Variants in ARHGEF7 observed in about 807,000 individuals in gnomAD.
ARHGEF7 encodes PAK-interacting exchange factor beta.
In ARHGEF7, 33 loss-of-function variants were observed where a neutral mutation model predicts 109.8. The observed-to-expected ratio is 0.30, with a 90% CI of 0.23 to 0.40. ARHGEF7 has a LOEUF of 0.40. ARHGEF7 is among the 10% of genes least tolerant of loss of function. The probability of loss-of-function intolerance (pLI) is 1.00; values close to 1 mark genes in which losing one functional copy is unlikely to be tolerated. For synonymous variants in ARHGEF7, 458 were observed against 424.6 expected, an observed-to-expected ratio of 1.08 and a Z score of -0.97; for missense variants, 938 against 1,098.5, an observed-to-expected ratio of 0.85 and a Z score of 2.07.
intron 2 of ARHGEF7, among the ~76,000 whole-genome samples, chr13:111,163,555 A>ATATT (rs561211403): frequency 3.6e-4 from 55 of 152,146 alleles, no homozygotes; most frequent in African/African-American, 8.4e-4. Flanking sequence ...TCATTTTTAA[A>ATATT]TATTTATTTA....
At chr13:111,200,270 A>T (rs2081064300) in intron 2 of ARHGEF7, among the ~76,000 whole-genome samples, 1 of 152,050 alleles carries the variant, frequency 6.6e-6, no homozygotes, top group African/African-American at 2.4e-5. Context: ...TTTCTCTGGA[A>T]CCAAGTGTGG....
chr13:111,115,802 C>T (rs1221193047), intron 1 of ARHGEF7, 111 bp downstream of exon 1: 2 of 508,852 alleles, frequency 3.9e-6, no homozygotes, highest in African/African-American at 4.2e-5. Context: ...GTGCGCCCTC[C>T]TTTGTGCGCG....
chr13:111,279,572 T>C (rs2092675822), intron 13 of ARHGEF7, among the ~76,000 whole-genome samples: 1 of 152,244 alleles, frequency 6.6e-6, no homozygotes, highest in Admixed American at 6.5e-5. Flanking sequence ...CCTGCGGACT[T>C]GGTGGGCCAC....
intron 2 of ARHGEF7, among the ~76,000 whole-genome samples, chr13:111,167,013 A>C (rs577656517): frequency 1.2e-4 from 19 of 152,270 alleles, no homozygotes; most frequent in Non-Finnish European, 7.4e-5. Context: ...TTAGTCCCAG[A>C]ACATTTTAGG....
chr13:111,243,400 G>A (rs1566939867), intron 6 of ARHGEF7, among the ~76,000 whole-genome samples: 2 of 152,070 alleles, frequency 1.3e-5, no homozygotes, highest in Non-Finnish European at 2.9e-5. Context: ...TGTTGTCCAC[G>A]CCCCCATCCT....
chr13:111,125,307 A>G (rs1267602149), intron 1 of ARHGEF7, among the ~76,000 whole-genome samples: 2 of 151,728 alleles, frequency 1.3e-5, no homozygotes, highest in African/African-American at 2.4e-5. Context: ...CAAAACTGGA[A>G]GCTGGTTATT....
intron 8 of ARHGEF7, among the ~76,000 whole-genome samples, chr13:111,256,413 C>A (rs562141335): frequency 6.6e-6 from 1 of 152,210 alleles, no homozygotes; most frequent in Non-Finnish European, 1.5e-5. Flanking sequence ...AGGTTCTGTC[C>A]TGAGCCTGCT....
chr13:111,299,000 G>A (rs2093491374), intron 19 of ARHGEF7, among the ~76,000 whole-genome samples: 1 of 152,072 alleles, frequency 6.6e-6, no homozygotes. Context: ...TGTGCCAGGT[G>A]ACAGAGCAGC....
Position 111,186,999 on chromosome 13 carries a change from T to C in ARHGEF7, c.253-18290T>C, listed in dbSNP as rs544858577. The C allele has an allele frequency of 7.5e-3, 7,354 of 985,876 alleles. 38 individuals carry two copies. The highest frequency in any genetic ancestry group is 0.031 in the Middle Eastern group (60 of 1,914). The allele number at this position is 985,876 out of a possible 1,614,324, so 61.1% of individuals were successfully genotyped here. On this transcript the variant is annotated intron_variant, in intron 2 of 21. Coordinates refer to ENST00000646102, the MANE Select transcript of ARHGEF7 (RefSeq NM_001354046.2). The stretch of plus-strand genomic sequence containing the variant: ...CATTCTTTTGCTCTCGTGTCAGTAC[T>C]GACGGGGTTGATTAAGGTTGCTGTG...
chr13:111,295,249 T>C (rs1233094156), intron 19 of ARHGEF7: 3 of 974,978 alleles, frequency 3.1e-6, no homozygotes, highest in African/African-American at 1.8e-5. Context: ...GTTTGCAGTG[T>C]AATATAATTT....
chr13:111,240,963 T>TA (rs1400330325), intron 6 of ARHGEF7, among the ~76,000 whole-genome samples: 1 of 152,148 alleles, frequency 6.6e-6, no homozygotes, highest in Non-Finnish European at 1.5e-5. Context: ...AACCCATTTG[T>TA]AAAATCAGAA....
chr13:111,175,077 A>T (rs2078005520), intron 2 of ARHGEF7, among the ~76,000 whole-genome samples: 1 of 152,198 alleles, frequency 6.6e-6, no homozygotes, highest in Non-Finnish European at 1.5e-5. Flanking sequence ...CACAAGGTAG[A>T]TCTGCCTTCT....
chr13:111,288,198 T>G (rs1318613629), intron 17 of ARHGEF7, among the ~76,000 whole-genome samples, 156 bp from the exon 18 acceptor site: 1 of 152,244 alleles, frequency 6.6e-6, no homozygotes, highest in Non-Finnish European at 1.5e-5. Flanking sequence ...ATATAACTCA[T>G]GAATTTTGTA....
intron 8 of ARHGEF7, among the ~76,000 whole-genome samples, chr13:111,265,124 CAAAAAA>C (rs976877106): frequency 8.6e-5 from 6 of 69,464 alleles, no homozygotes; most frequent in Non-Finnish European, 1.1e-4. Context: ...AACTCCATCT[CAAAAAA>C]AAAAAAAAAA....
At chr13:111,119,096 C>T (rs1368555064) in intron 1 of ARHGEF7, among the ~76,000 whole-genome samples, 1 of 152,194 alleles carries the variant, frequency 6.6e-6, no homozygotes, top group Admixed American at 6.5e-5. Flanking sequence ...TCTCAGGCTT[C>T]TGGTAGTTCC....
intron 11 of ARHGEF7, 67 bp downstream of exon 11, chr13:111,274,857 T>C (rs894162308): frequency 1.8e-6 from 2 of 1,124,926 alleles, no homozygotes; most frequent in Non-Finnish European, 2.4e-6. Flanking sequence ...AAAAGAATTA[T>C]CAACTGAAAA....
In ARHGEF7 at chr13:111,255,825, A is replaced by G. The variant is rs994866251; in HGVS notation, c.950+11531A>G. On this transcript the variant is annotated intron_variant, in intron 8 of 21. Coordinates refer to ENST00000646102, the MANE Select transcript of ARHGEF7 (RefSeq NM_001354046.2). This position sits in a 1 kb window ranked among gnomAD's most constrained non-coding sequence, Gnocchi z 4.1. ...TATTTTTCCTGTGGAAGGTGGGGTC[A>G]TGGTGCTTTCTTTTCAGTGCTGCGT... Among the ~76,000 whole-genome samples the G allele has an allele frequency of 8.5e-5, 13 of 152,210 alleles. No individual in the cohort carries two copies. The highest frequency in any genetic ancestry group is 2.9e-4 in the African/African-American group (12 of 41,538).
In ARHGEF7 at chr13:111,221,353, C is replaced by A. The variant is rs796264975; in HGVS notation, c.670+3473C>A. On this transcript the variant is annotated intron_variant, in intron 5 of 21. Coordinates refer to ENST00000646102, the MANE Select transcript of ARHGEF7 (RefSeq NM_001354046.2). Reference sequence around the variant, plus strand: ...TGTCTATATATATCTATATATATGTCTATATATATATCTATATATATATCT... The same window carrying A: ...TGTCTATATATATCTATATATATGTATATATATATATCTATATATATATCT... Among the ~76,000 whole-genome samples, 54 of 9,486 alleles carry A rather than the reference C, an allele frequency of 5.7e-3. 19 individuals are homozygous for A. The highest frequency in any genetic ancestry group is 9.0e-3 in the Non-Finnish European group (29 of 3,216). The allele number at this position is 9,486 out of a possible 152,430, so 6.2% of individuals were successfully genotyped here.
At chr13:111,233,354 A>G (rs1283445450) in intron 6 of ARHGEF7, 61 bp downstream of exon 6, 2 of 1,283,958 alleles carry the variant, frequency 1.6e-6, no homozygotes, top group African/African-American at 1.5e-5. Context: ...AAACTCAGCA[A>G]TGTAGAATGT....
Sources: gnomAD v4.1 joint callset for allele counts (sites outside exome capture counted in the v4.1 genomes callset) on GRCh38, gnomAD v4.1.1 for gene constraint, Gnocchi (gnomAD v3.1) non-coding constraint, MANE v1.5 for transcripts, NCBI Gene and HGNC (gene_info 2026-07-23, HGNC 2026-07-21) for gene names.